The following MYCBP2 variants were observed in gnomAD, a reference collection of about 807,000 sequenced individuals.
The protein encoded by MYCBP2 is MYC binding protein 2, also known as E3 ubiquitin-protein ligase MYCBP2.
MYCBP2 carries 120 observed loss-of-function variants against 525.3 expected under a neutral mutation model. The observed-to-expected ratio is 0.23, with a 90% confidence interval of 0.20 to 0.27. MYCBP2 has a LOEUF of 0.27. Ranked by LOEUF, MYCBP2 falls within the 10% of genes least tolerant of loss-of-function variation. The pLI is 1.00. For missense variants in MYCBP2, 4,149 were observed against 5,657.1 expected, an observed-to-expected ratio of 0.73 and a Z score of 8.55; for synonymous variants, 1,894 against 1,955.8, an observed-to-expected ratio of 0.97 and a Z score of 0.83.
In MYCBP2 at chr13:77,261,191, T is replaced by G; in HGVS notation, c.1832A>C (p.Lys611Thr). 1 of 1,612,772 alleles carries G rather than the reference T, an allele frequency of 6.2e-7. No homozygotes were observed. The highest frequency in any genetic ancestry group is 8.5e-7 in the Non-Finnish European group (1 of 1,179,150). ...CTTACTTGATTCTCCATCTTCTCCT[T>G]TACTAGCAGATCCTGTAAAGAATAT... ...GSIFFTGSAS[K>T]GEDGESTKSR... is the part of the protein sequence containing the mutation. Residue 611 changes from lysine to threonine, a missense_variant, in exon 12 of 83, where the codon AAA (lysine) becomes ACA (threonine). Lys to Thr is a moderately conservative substitution (Grantham distance 78, BLOSUM62 -1). Around this residue, in one of 21 missense-constraint regions of MYCBP2, gnomAD observed 262 missense variants for 419.3 expected, o/e 0.62. Coordinates refer to ENST00000544440, the MANE Select transcript of MYCBP2 (RefSeq NM_015057.5).
rs71704593 is a variant in MYCBP2, at chr13:77,227,481, T to TACACACACACACAC, written c.2738-1941_2738-1928dup. Reference sequence around the variant, plus strand: ...AAAAGCCTACACACACACACACACATACACACACACACACACACACACACA... The same window carrying TACACACACACACAC: ...AAAAGCCTACACACACACACACACATACACACACACACACACACACACACACACACACACACACA... On this transcript the variant is annotated intron_variant, in intron 18 of 82. Transcript: ENST00000544440. Among the ~76,000 whole-genome samples, 9 of 145,182 alleles carry TACACACACACACAC rather than the reference T, an allele frequency of 6.2e-5. 1 individual carries two copies. Among genetic ancestry groups the TACACACACACACAC allele is most frequent in the Non-Finnish European group, 1.2e-4 (8 of 65,846 alleles).
chr13:77,143,367 ATG>A (rs1331657462), intron 49 of MYCBP2, among the ~76,000 whole-genome samples: 2 of 152,130 alleles, frequency 1.3e-5, no homozygotes, highest in African/African-American at 4.8e-5. Context: ...GGAGAGGTGA[ATG>A]TATTTCTATT....
In MYCBP2 at chr13:77,124,185, C is replaced by T. The variant is rs144485377; in HGVS notation, c.8017+1151G>A. On this transcript the variant is annotated intron_variant, in intron 54 of 82. Transcript: ENST00000544440. ...AGTCTTACATCTGCTATGTCACCAGCTGTACAACCATAGACACGTTAGTTT... is the reference window on the plus strand; with the variant it reads ...AGTCTTACATCTGCTATGTCACCAGTTGTACAACCATAGACACGTTAGTTT... Among the ~76,000 whole-genome samples, 48 of 152,242 alleles carry T rather than the reference C, an allele frequency of 3.2e-4. No homozygotes were observed. The East Asian group carries it at 8.9e-3, about 28-fold the overall frequency.
chr13:77,233,386 T>C, intron 17 of MYCBP2, 123 bp from the exon 18 acceptor site: 1 of 754,806 alleles, frequency 1.3e-6, no homozygotes, highest in Non-Finnish European at 2.1e-6. Flanking sequence ...GACATTATAC[T>C]TTTCTTCCAA....
At position 77,076,697 on chromosome 13, in the gene MYCBP2, C is replaced by T. The variant is rs1439758197; in HGVS notation, c.11823+54G>A. ...ATACAGCAATAAATGAATTATTTCA[C>T]TGAAAAAAAGAATAAAAAAGGGAAA... On this transcript the variant is annotated intron_variant, in intron 68 of 82. Coordinates refer to ENST00000544440, the MANE Select transcript of MYCBP2 (RefSeq NM_015057.5). 4.2e-5 allele frequency: 46 copies of T among 1,099,316 alleles called. 1 individual carries two copies. In the East Asian group the frequency reaches 1.1e-3, roughly 27 times the overall value. 68.1% of individuals were successfully genotyped at this position (1,099,316 alleles called of 1,614,324 possible). A position where few individuals can be genotyped will look rare whatever the true frequency, so the allele number is the denominator to read the frequency against.
intron 52 of MYCBP2, among the ~76,000 whole-genome samples, chr13:77,138,362 C>T (rs2054077985): frequency 6.6e-6 from 1 of 152,058 alleles, no homozygotes; most frequent in African/African-American, 2.4e-5. Context: ...TTATTATGGA[C>T]AATCAAGGAG....
intron 69 of MYCBP2, 54 bp downstream of exon 69, chr13:77,070,573 AACAC>A (rs60371737): frequency 1.3e-4 from 142 of 1,077,718 alleles, no homozygotes; most frequent in Non-Finnish European, 1.5e-4. Flanking sequence ...CAAACAAACA[AACAC>A]ACACACACAC....
chr13:77,191,769 G>A lies in MYCBP2; in HGVS notation c.3980C>T (p.Ala1327Val), dbSNP rs758382053. 1 of 1,614,028 alleles carries A rather than the reference G, an allele frequency of 6.2e-7. No homozygotes were observed. The highest frequency in any genetic ancestry group is 1.7e-5 in the Admixed American group (1 of 59,964). ...GGCCCATGCCACATACCACCACCCA[G>A]CTTGCAGGAGAACAGGCTCATCAAA... ...MMFDEPVLLQ[A>V]GWWYVAWARV... The change falls in exon 28 of 83, where the codon GCT becomes GTT. Residue 1327 changes from alanine (A) to valine (V), a missense_variant. Ala to Val is a moderately conservative substitution (Grantham distance 64). Around this residue, in one of 21 missense-constraint regions of MYCBP2, gnomAD observed 620 missense variants for 795.5 expected, o/e 0.78. Coordinates refer to ENST00000544440, the MANE Select transcript of MYCBP2 (RefSeq NM_015057.5).
chr13:77,326,434 G>C lies in MYCBP2; in HGVS notation c.302+40C>G. On this transcript the variant is annotated intron_variant, in intron 1 of 82. Coordinates refer to ENST00000544440, the MANE Select transcript of MYCBP2 (RefSeq NM_015057.5). The surrounding 1 kb of genome is among the most constrained non-coding windows in gnomAD (Gnocchi z 4.2). Reference sequence around the variant, plus strand: ...ACGCGCGGCATGGGGCGCAAGGAAGGGCGGCATGGGGCGCAAGGAAGGGCA... The same window carrying C: ...ACGCGCGGCATGGGGCGCAAGGAAGCGCGGCATGGGGCGCAAGGAAGGGCA... 1 of 1,501,308 alleles carries C rather than the reference G, an allele frequency of 6.7e-7. No individual in the cohort carries two copies. Among genetic ancestry groups the C allele is most frequent in the Non-Finnish European group, 8.8e-7 (1 of 1,130,358 alleles). The allele number at this position is 1,501,308 out of a possible 1,614,324, so 93.0% of individuals were successfully genotyped here. A position where few individuals can be genotyped will look rare whatever the true frequency, so the allele number is the denominator to read the frequency against.
chr13:77,232,030 T>A (rs2067200015), intron 18 of MYCBP2, among the ~76,000 whole-genome samples: 3 of 152,224 alleles, frequency 2.0e-5, no homozygotes, highest in Admixed American at 1.3e-4. Flanking sequence ...CTATTTTTAT[T>A]TCTGCAGAGT....
At chr13:77,310,873 T>G (rs1326084958) in intron 1 of MYCBP2, among the ~76,000 whole-genome samples, 1 of 152,072 alleles carries the variant, frequency 6.6e-6, no homozygotes, top group Non-Finnish European at 1.5e-5. Flanking sequence ...TAAAGCCAGA[T>G]AAGAGAGTTC....
intron 33 of MYCBP2, 148 bp from the exon 34 acceptor site, chr13:77,180,466 C>T: frequency 1.6e-6 from 1 of 641,334 alleles, no homozygotes; most frequent in Non-Finnish European, 2.6e-6. Flanking sequence ...ATATGTGGAG[C>T]CACTTTTCAC....
chr13:77,081,518 T>C lies in MYCBP2; in HGVS notation c.11327A>G (p.Lys3776Arg), dbSNP rs1240273918. 6.2e-7 allele frequency: 1 copy of C among 1,613,550 alleles called. No individual in the cohort carries two copies. Among genetic ancestry groups the C allele is most frequent in the Non-Finnish European group, 8.5e-7 (1 of 1,179,888 alleles). ...GATGGTGATGTTCTTAGTTTTGTTT[T>C]TATCTTCATCTCCTGATTCCCAAAA... is the stretch of plus-strand genomic sequence containing the variant. ...ETFWESGDED[K>R]NKTKNITINC... The change falls in exon 65 of 83, where the codon AAA becomes AGA. Residue 3776 changes from lysine to arginine, a missense_variant. Around this residue, in one of 21 missense-constraint regions of MYCBP2, gnomAD observed 509 missense variants for 789.4 expected, o/e 0.64. Coordinates refer to ENST00000544440, the MANE Select transcript of MYCBP2 (RefSeq NM_015057.5). This position sits in a 1 kb window ranked among gnomAD's most constrained non-coding sequence, Gnocchi z 4.6.
In MYCBP2 at chr13:77,326,918, G is replaced by GCT. The variant is rs1240992395; in HGVS notation, c.-144_-143insAG. On this transcript the variant is annotated 5_prime_UTR_variant, in exon 1 of 83. It introduces an in-frame stop codon into an upstream open reading frame of the 5' UTR. Transcript: ENST00000544440. The surrounding 1 kb of genome is among the most constrained non-coding windows in gnomAD (Gnocchi z 4.2). ...GCAGCAGGGAGACTACAAAGACAGCGACCTCCTTCTCCTCCTCCTTCTTCT... is the reference window on the plus strand; with the variant it reads ...GCAGCAGGGAGACTACAAAGACAGCGCTACCTCCTTCTCCTCCTCCTTCTTCT... The GCT allele has an allele frequency of 1.4e-6, 1 of 708,832 alleles. No homozygotes were observed. The highest frequency in any genetic ancestry group is 2.0e-6 in the Non-Finnish European group (1 of 492,404). The allele number at this position is 708,832 out of a possible 1,614,324, so 43.9% of individuals were successfully genotyped here.
intron 52 of MYCBP2, among the ~76,000 whole-genome samples, chr13:77,137,449 T>G (rs554695677): frequency 2.8e-4 from 42 of 152,134 alleles, no homozygotes; most frequent in African/African-American, 9.6e-4. Context: ...TTAAGAAAAT[T>G]TTCTTAAATA....
intron 21 of MYCBP2, among the ~76,000 whole-genome samples, chr13:77,212,389 T>C (rs2064139163): frequency 6.6e-6 from 1 of 152,142 alleles, no homozygotes; most frequent in African/African-American, 2.4e-5. Flanking sequence ...GCATTATTTT[T>C]TAAAAAAAAG....
intron 44 of MYCBP2, among the ~76,000 whole-genome samples, chr13:77,158,557 C>T (rs2057487592): frequency 6.6e-6 from 1 of 152,172 alleles, no homozygotes; most frequent in African/African-American, 2.4e-5. Context: ...ATCCTTCTGC[C>T]TCAGCCTCCC....
chr13:77,143,198 A>G (rs1594874752), intron 49 of MYCBP2, among the ~76,000 whole-genome samples: 1 of 152,200 alleles, frequency 6.6e-6, no homozygotes, highest in Non-Finnish European at 1.5e-5. Context: ...TGGATTAAAG[A>G]ATACCTAGAA....
intron 52 of MYCBP2, among the ~76,000 whole-genome samples, 172 bp downstream of exon 52, chr13:77,139,024 C>T (rs1297786582): frequency 6.6e-6 from 1 of 152,158 alleles, no homozygotes; most frequent in Non-Finnish European, 1.5e-5. Context: ...AGGGCCTTAA[C>T]CTTGCCAAAC....
Sources: allele counts gnomAD v4.1 joint callset (sites outside exome capture counted in the v4.1 genomes callset), GRCh38; gene constraint gnomAD v4.1.1; regional missense constraint gnomAD v4.1.1; non-coding constraint Gnocchi (gnomAD v3.1); transcripts MANE v1.5; gene names NCBI Gene and HGNC (gene_info 2026-07-23, HGNC 2026-07-21).